The following OPA1 variants were observed in gnomAD, a reference collection of about 807,000 sequenced individuals.
The protein encoded by OPA1 is dynamin-like GTPase OPA1, mitochondrial.
Under a neutral mutation model 152.9 loss-of-function variants are expected in OPA1, and 59 were observed. That is an observed-to-expected ratio of 0.39 (90% confidence interval 0.31 to 0.48). The LOEUF (loss-of-function observed/expected upper bound fraction) is 0.48, where lower values mean the gene tolerates loss of function less well. Ranked by LOEUF, OPA1 falls within the 20% of genes least tolerant of loss-of-function variation. OPA1 has a pLI of 0.96. For missense variants in OPA1, 1,008 were observed against 1,216.8 expected, an observed-to-expected ratio of 0.83 and a Z score of 2.55; for synonymous variants, 400 against 389.9, an observed-to-expected ratio of 1.03 and a Z score of -0.31.
chr3:193,600,530 A>C (rs1418123648), intron 1 of OPA1, among the ~76,000 whole-genome samples: 1 of 152,186 alleles, frequency 6.6e-6, no homozygotes, highest in Admixed American at 6.5e-5. Flanking sequence ...ACTCCTTAAT[A>C]AAAGTTCTTA....
At chr3:193,617,979 A>G (rs1295765157) in intron 5 of OPA1, 142 bp downstream of exon 5, 4 of 675,828 alleles carry the variant, frequency 5.9e-6, no homozygotes, top group African/African-American at 1.8e-5. Context: ...AGGCAAACTC[A>G]TTATCCTTTA....
At chr3:193,613,958 T>G (rs766573734) in intron 1 of OPA1, 1 of 519,038 alleles carries the variant, frequency 1.9e-6, no homozygotes, top group Admixed American at 1.9e-5. Context: ...TGGCCCTGAT[T>G]ATTAGTAAGC....
intron 29 of OPA1, among the ~76,000 whole-genome samples, chr3:193,685,476 AT>A (rs1003435417): frequency 6.6e-6 from 1 of 152,172 alleles, no homozygotes; most frequent in Non-Finnish European, 1.5e-5. Context: ...ATGATTAAGT[AT>A]TGTTTAAGTC....
At chr3:193,645,508 AT>A in intron 16 of OPA1, 44 bp from the exon 17 acceptor site, 1 of 1,459,246 alleles carries the variant, frequency 6.9e-7, no homozygotes, top group East Asian at 2.3e-5. Flanking sequence ...TTTAAAACTT[AT>A]GTAAACTATA....
rs541272642 is a variant in OPA1 at position 193,695,461 on chromosome 3, C to T, written c.*861C>T. 1 of 152,240 alleles carries T rather than the reference C, an allele frequency of 6.6e-6. No individual in the cohort carries two copies. Among genetic ancestry groups the T allele is most frequent in the African/African-American group, 2.4e-5 (1 of 41,530 alleles). The allele number at this position is 152,240 out of a possible 1,614,324, so 9.4% of individuals were successfully genotyped here. ...TCATTTAGAATATTATCAAACATTT[C>T]AACTAGGTATCAGAAAAAGGCTTTC... is the stretch of plus-strand genomic sequence containing the variant. On this transcript the variant is annotated 3_prime_UTR_variant, in exon 31 of 31. Coordinates refer to ENST00000361510, the MANE Select transcript of OPA1 (RefSeq NM_130837.3).
chr3:193,597,524 C>T (rs1305580174), intron 1 of OPA1, among the ~76,000 whole-genome samples: 1 of 151,902 alleles, frequency 6.6e-6, no homozygotes, highest in African/African-American at 2.4e-5. Context: ...AACCCTGTCT[C>T]TACTAAAAAT....
chr3:193,622,226 C>CTTTT (rs758993120), intron 6 of OPA1, among the ~76,000 whole-genome samples: 15,743 of 107,408 alleles, frequency 0.15, 2,098 homozygotes, highest in South Asian at 0.2. Context: ...TACTCTCATT[C>CTTTT]TTTTTTTTTT....
At chr3:193,688,700 C>G (rs1470577997) in intron 29 of OPA1, among the ~76,000 whole-genome samples, 1 of 152,072 alleles carries the variant, frequency 6.6e-6, no homozygotes, top group African/African-American at 2.4e-5. Flanking sequence ...CAGTAGCAGA[C>G]TGGGTGTAGT....
At position 193,645,754 on chromosome 3, in the gene OPA1, A is replaced by C. The variant is rs776979728; in HGVS notation, c.1708A>C (p.Ile570Leu). ...KGNSSESIEA[I>L]REYEEEFFQN... ...GAACAGCTCTGAAAGCATTGAAGCT[A>C]TAAGAGAATATGAAGAAGAGTTTTT... is the stretch of plus-strand genomic sequence containing the variant. The change falls in exon 18 of 31, where the codon ATA becomes CTA. Residue 570 changes from isoleucine (I) to leucine (L), a missense_variant. Around this residue, in one of 7 missense-constraint regions of OPA1, gnomAD observed 213 missense variants for 291.4 expected, o/e 0.73. Coordinates refer to ENST00000361510, the MANE Select transcript of OPA1 (RefSeq NM_130837.3). 5.0e-6 allele frequency: 8 copies of C among 1,613,642 alleles called. No homozygotes were observed. The South Asian group carries it at 8.8e-5, about 18-fold the overall frequency.
intron 6 of OPA1, 122 bp downstream of exon 6, chr3:193,619,058 G>A: frequency 1.3e-6 from 1 of 789,296 alleles, no homozygotes; most frequent in South Asian, 1.4e-5. Flanking sequence ...TCCAAGTAGA[G>A]ATATCGTTAC....
chr3:193,631,278 T>G (rs748927146), intron 7 of OPA1, among the ~76,000 whole-genome samples: 2 of 152,202 alleles, frequency 1.3e-5, no homozygotes, highest in Non-Finnish European at 2.9e-5. Context: ...TCCCTATGCT[T>G]TAGTACAAAA....
intron 1 of OPA1, among the ~76,000 whole-genome samples, chr3:193,602,947 A>C (rs7619129): frequency 2.0e-5 from 3 of 152,034 alleles, no homozygotes; most frequent in African/African-American, 7.3e-5. Context: ...TTACAAGAAC[A>C]TACTGATACC....
intron 29 of OPA1, among the ~76,000 whole-genome samples, chr3:193,674,884 A>T (rs1187384315): frequency 6.6e-6 from 1 of 152,198 alleles, no homozygotes; most frequent in African/African-American, 2.4e-5. Context: ...TGATGTGTTT[A>T]AAACTGTTTG....
At chr3:193,600,008 G>A (rs1726222189) in intron 1 of OPA1, among the ~76,000 whole-genome samples, 1 of 152,216 alleles carries the variant, frequency 6.6e-6, no homozygotes, top group East Asian at 1.9e-4. Context: ...TATGGCCGCT[G>A]GGATTGGCCA....
At chr3:193,668,789 G>A (rs1717278249) in intron 29 of OPA1, 1 of 1,186,634 alleles carries the variant, frequency 8.4e-7, no homozygotes. Flanking sequence ...GTCACTGTTT[G>A]GGGTTGATAT....
At chr3:193,669,030 T>A (rs998053268) in intron 29 of OPA1, 2 of 247,322 alleles carry the variant, frequency 8.1e-6, no homozygotes, top group Non-Finnish European at 1.3e-5. Flanking sequence ...TCCTGTCTTA[T>A]TAGTTTTCTG....
intron 6 of OPA1, among the ~76,000 whole-genome samples, chr3:193,621,361 A>G (rs1165894631): frequency 6.6e-6 from 1 of 152,214 alleles, no homozygotes; most frequent in East Asian, 1.9e-4. Context: ...CTTCAGTCAG[A>G]CAGAATAAAC....
intron 28 of OPA1, 129 bp downstream of exon 28, chr3:193,666,518 T>G: frequency 5.1e-6 from 4 of 788,946 alleles, no homozygotes; most frequent in South Asian, 4.7e-5. Context: ...CCAGGTGTGG[T>G]AGCTCATGCC....
chr3:193,617,344 A>G lies in OPA1; in HGVS notation c.556+59A>G, dbSNP rs536262326. 3 of 976,542 alleles carry G rather than the reference A, an allele frequency of 3.1e-6. No homozygotes were observed. In the Admixed American group the frequency reaches 5.7e-5, roughly 18 times the overall value. 60.5% of individuals were successfully genotyped at this position (976,542 alleles called of 1,614,324 possible). ...TTTAAGAACCATGGAGGAAAAATAC[A>G]TGGATTATTTGTTTATTCCCATTTT... On this transcript the variant is annotated intron_variant, in intron 4 of 30. Transcript: ENST00000361510.
Sources: allele counts gnomAD v4.1 joint callset (sites outside exome capture counted in the v4.1 genomes callset), GRCh38; gene constraint gnomAD v4.1.1; regional missense constraint gnomAD v4.1.1; transcripts MANE v1.5; gene names NCBI Gene and HGNC (gene_info 2026-07-23, HGNC 2026-07-21).